ZFYVE1: variants seen among roughly 807,000 people sequenced by gnomAD.
ZFYVE1 encodes the protein zinc finger FYVE domain-containing protein 1.
Under a neutral mutation model 74.4 loss-of-function variants are expected in ZFYVE1, and 30 were observed. That is an observed-to-expected ratio of 0.40 (90% CI 0.30 to 0.55). ZFYVE1 has a LOEUF of 0.55. Among genes scored for constraint, ZFYVE1 ranks in the 20% least tolerant of loss-of-function variants. ZFYVE1 has a pLI of 0.42. For synonymous variants in ZFYVE1, 335 were observed against 385.1 expected (o/e 0.87, Z 1.52); for missense variants, 703 against 1,011.6 (o/e 0.69, Z 4.14).
At chr14:73,014,900 C>T (rs150996962) in intron 2 of ZFYVE1, among the ~76,000 whole-genome samples, 98 of 152,230 alleles carry the variant, frequency 6.4e-4, no homozygotes, top group African/African-American at 2.1e-3. Flanking sequence ...AGAAGTGGCA[C>T]AGACATGTGG....
intron 2 of ZFYVE1, among the ~76,000 whole-genome samples, chr14:73,010,768 TAAAAAAAAAAAA>T (rs35771113): frequency 1.7e-5 from 1 of 58,986 alleles, no homozygotes; most frequent in Non-Finnish European, 2.9e-5. Flanking sequence ...AGACTCCATC[TAAAAAAAAAAAA>T]AAAAAAAAAA....
rs765219837 is a variant in ZFYVE1 at position 72,981,777 on chromosome 14, G to A, written c.1310+12C>T. 40 of 1,612,234 alleles carry A rather than the reference G, an allele frequency of 2.5e-5. No individual in the cohort carries two copies. The highest frequency in any genetic ancestry group is 8.0e-5 in the African/African-American group (6 of 74,854). On this transcript the variant is annotated intron_variant, in intron 5 of 11. Transcript: ENST00000556143. ...GGTATGGGGTGGGAGGTGGGGGAGC[G>A]GCCTTACTTACCCACAGCTGAGGCA...
chr14:72,975,828 A>G lies in ZFYVE1; in HGVS notation c.1636-107T>C. 7.6e-7 allele frequency: 1 copy of G among 1,314,176 alleles called. No individual in the cohort carries two copies. Among genetic ancestry groups the G allele is most frequent in the Non-Finnish European group, 1.1e-6 (1 of 947,530 alleles). The allele number at this position is 1,314,176 out of a possible 1,614,324, so 81.4% of individuals were successfully genotyped here. A position where few individuals can be genotyped will look rare whatever the true frequency, so the allele number is the denominator to read the frequency against. The stretch of plus-strand genomic sequence containing the variant: ...CACTCACCGTGGCCAACTCAGAACC[A>G]CTAACTCCCTGGCAGGGAAGAACGG... On this transcript the variant is annotated intron_variant, in intron 8 of 11. Coordinates refer to ENST00000556143, the MANE Select transcript of ZFYVE1 (RefSeq NM_021260.4). The surrounding 1 kb of genome is among the most constrained non-coding windows in gnomAD (Gnocchi z 4.1).
At chr14:73,003,738 T>C (rs964402861) in intron 2 of ZFYVE1, among the ~76,000 whole-genome samples, 1 of 152,078 alleles carries the variant, frequency 6.6e-6, no homozygotes, top group African/African-American at 2.4e-5. Flanking sequence ...CCACTCATTA[T>C]TATATTAATG....
At chr14:72,989,424 A>T (rs1855139224) in intron 4 of ZFYVE1, among the ~76,000 whole-genome samples, 3 of 152,202 alleles carry the variant, frequency 2.0e-5, no homozygotes, top group African/African-American at 7.2e-5. Flanking sequence ...TTATGTGAGA[A>T]AGTATTAAGA....
At position 72,974,680 on chromosome 14, in the gene ZFYVE1, A is replaced by T. The variant is rs924228804; in HGVS notation, c.1987+99T>A. 9.1e-6 allele frequency: 13 copies of T among 1,424,402 alleles called. No homozygotes were observed. The Admixed American group carries it at 2.7e-4, about 30-fold the overall frequency. The allele number at this position is 1,424,402 out of a possible 1,614,324, so 88.2% of individuals were successfully genotyped here. On this transcript the variant is annotated intron_variant, in intron 10 of 11. Transcript: ENST00000556143. ...AAGACCAGAAGTACTCTCACAAGGGAGATGTGGATTAGGGCATCTGGATAT... is the reference window on the plus strand; with the variant it reads ...AAGACCAGAAGTACTCTCACAAGGGTGATGTGGATTAGGGCATCTGGATAT...
chr14:73,009,494 C>T (rs537409714), intron 2 of ZFYVE1, among the ~76,000 whole-genome samples: 73 of 152,330 alleles, frequency 4.8e-4, no homozygotes, highest in African/African-American at 1.2e-3. Flanking sequence ...CGGAGGCTCA[C>T]GCCTGTAATC....
chr14:72,991,335 G>A (rs1020088935), intron 4 of ZFYVE1, among the ~76,000 whole-genome samples: 1 of 151,926 alleles, frequency 6.6e-6, no homozygotes, highest in Non-Finnish European at 1.5e-5. Flanking sequence ...GACTACAGGT[G>A]CCCGCTACCA....
At chr14:72,986,903 CCA>C (rs1893497187) in intron 4 of ZFYVE1, 20 of 985,404 alleles carry the variant, frequency 2.0e-5, no homozygotes, top group Non-Finnish European at 2.4e-5. Context: ...TCACATCATT[CCA>C]CAGTTTCTTG....
intron 2 of ZFYVE1, among the ~76,000 whole-genome samples, chr14:73,003,294 G>T (rs1470398161): frequency 6.6e-6 from 1 of 152,010 alleles, no homozygotes; most frequent in East Asian, 1.9e-4. Context: ...CTGACTTCAG[G>T]TGATCTGCCT....
chr14:72,982,608 G>A (rs2140351804), intron 4 of ZFYVE1, among the ~76,000 whole-genome samples: 1 of 152,224 alleles, frequency 6.6e-6, no homozygotes, highest in Middle Eastern at 3.4e-3. Flanking sequence ...TATTCCTCAG[G>A]CTAATTACAG....
rs566482269 is a variant in ZFYVE1, at chr14:72,980,712, C to T, written c.1310+1077G>A. 5.9e-4 allele frequency among the ~76,000 whole-genome samples: 90 copies of T among 152,178 alleles called. 1 individual carries two copies. The highest frequency in any genetic ancestry group is 3.4e-3 in the Middle Eastern group (1 of 294). ...CCTCCCGAGTAGCTGGGACTACAGGCGCCGGCCACCGTGCCAGGCTAATTT... is the reference window on the plus strand; with the variant it reads ...CCTCCCGAGTAGCTGGGACTACAGGTGCCGGCCACCGTGCCAGGCTAATTT... On this transcript the variant is annotated intron_variant, in intron 5 of 11. Transcript: ENST00000556143.
intron 3 of ZFYVE1, among the ~76,000 whole-genome samples, chr14:72,994,493 A>G (rs1893699983): frequency 6.6e-6 from 1 of 152,134 alleles, no homozygotes; most frequent in Non-Finnish European, 1.5e-5. Flanking sequence ...TCTAGCATTG[A>G]GTACGCAGGG....
chr14:72,972,278 A>G (rs2535924), intron 11 of ZFYVE1, among the ~76,000 whole-genome samples: 140,459 of 152,244 alleles, frequency 0.92, 64,925 homozygotes, highest in East Asian at 0.99. Context: ...ACCTTCAAGA[A>G]CTGTGATGAG....
Position 72,974,193 on chromosome 14 carries a change from G to A in ZFYVE1, c.1988C>T (p.Ala663Val). 1 of 1,613,848 alleles carries A rather than the reference G, an allele frequency of 6.2e-7. No individual in the cohort carries two copies. Among genetic ancestry groups the A allele is most frequent in the South Asian group, 1.1e-5 (1 of 91,082 alleles). The change falls in exon 11 of 12, where the codon GCT (alanine) becomes GTT (valine). Residue 663 changes from alanine (A) to valine (V), a missense_variant and splice_region_variant. By Grantham distance (64) the Ala-to-Val change is moderately conservative (BLOSUM62 0). Transcript: ENST00000556143. ...NCYEARNVQL[A>V]VTEAQVDDEG... ...ATCGTCCACTTGTGCCTCGGTAACA[G>A]CTGTAGACAGTAATAAAGGAAATGC...
intron 4 of ZFYVE1, among the ~76,000 whole-genome samples, chr14:72,991,843 C>T (rs144104022): frequency 6.1e-4 from 93 of 152,094 alleles, no homozygotes; most frequent in African/African-American, 1.8e-3. Flanking sequence ...TACTATATAA[C>T]AAGTACTTTG....
rs951692718 is a variant in ZFYVE1, at chr14:72,974,089, T to C, written c.2092A>G (p.Ile698Val). 31 of 1,613,252 alleles carry C rather than the reference T, an allele frequency of 1.9e-5. No homozygotes were observed. The highest frequency in any genetic ancestry group is 2.5e-5 in the Non-Finnish European group (30 of 1,179,416). The change falls in exon 11 of 12, where the codon ATA becomes GTA. Residue 698 changes from isoleucine to valine, a missense_variant. Physicochemically the swap from Ile to Val is conservative, Grantham distance 29. Transcript: ENST00000556143. ...TLGAVVTAID[I>V]PLGLVKDAAR... is the part of the protein sequence containing the mutation. ...GCACTGCCAGGCCCACCTAGTGGTA[T>C]GTCAATGGCTGTCACCACGGCTCCC...
chr14:72,971,415 C>T (rs1331673802), intron 11 of ZFYVE1, among the ~76,000 whole-genome samples: 1 of 152,136 alleles, frequency 6.6e-6, no homozygotes, highest in Admixed American at 6.5e-5. Context: ...CGGCTCACCA[C>T]AACCTCTGCC....
intron 2 of ZFYVE1, among the ~76,000 whole-genome samples, chr14:73,000,667 C>A (rs1299593341): frequency 2.0e-5 from 3 of 151,644 alleles, no homozygotes; most frequent in African/African-American, 7.3e-5. Flanking sequence ...AATGTTCATG[C>A]ACTTCTGGTG....
Sources: gnomAD v4.1 joint callset for allele counts (sites outside exome capture counted in the v4.1 genomes callset) on GRCh38, gnomAD v4.1.1 for gene constraint, Gnocchi (gnomAD v3.1) non-coding constraint, MANE v1.5 for transcripts, NCBI Gene and HGNC (gene_info 2026-07-23, HGNC 2026-07-21) for gene names.